The following CADPS2 variants were observed in gnomAD, a reference collection of about 807,000 sequenced individuals.
CADPS2 encodes calcium dependent secretion activator 2, also known as calcium-dependent secretion activator 2.
CADPS2 carries 93 observed loss-of-function variants against 172.5 expected under a neutral mutation model. That is an observed-to-expected ratio of 0.54 (90% CI 0.46 to 0.64). The LOEUF is 0.64. CADPS2 is among the 30% of genes least tolerant of loss of function. CADPS2 has a pLI of 0.00. For synonymous variants in CADPS2, 546 were observed against 555.2 expected (o/e 0.98, Z 0.23); for missense variants, 1,420 against 1,565.9 (o/e 0.91, Z 1.57).
intron 8 of CADPS2, among the ~76,000 whole-genome samples, chr7:122,522,695 C>G (rs2060901663): frequency 6.6e-6 from 1 of 151,940 alleles, no homozygotes; most frequent in Non-Finnish European, 1.5e-5. Context: ...ACACATTAAC[C>G]AACCTCTCTT....
intron 1 of CADPS2, among the ~76,000 whole-genome samples, chr7:122,862,272 T>C (rs775126350): frequency 1.3e-5 from 2 of 152,184 alleles, no homozygotes; most frequent in African/African-American, 4.8e-5. Context: ...TGTCCTCAAA[T>C]TCACCGTCTA....
chr7:122,881,716 T>G (rs931608928), intron 1 of CADPS2, among the ~76,000 whole-genome samples: 1 of 152,162 alleles, frequency 6.6e-6, no homozygotes, highest in African/African-American at 2.4e-5. Context: ...CACTGCTAAC[T>G]TGTCTCTGGG....
At chr7:122,381,172 GCTGAC>G (rs1428961358) in intron 24 of CADPS2, among the ~76,000 whole-genome samples, 1 of 152,120 alleles carries the variant, frequency 6.6e-6, no homozygotes, top group African/African-American at 2.4e-5. Flanking sequence ...AAGCTGTGCA[GCTGAC>G]TGTGCGATGG....
chr7:122,847,535 T>C (rs1363301639), intron 1 of CADPS2, among the ~76,000 whole-genome samples: 1 of 152,226 alleles, frequency 6.6e-6, no homozygotes, highest in Non-Finnish European at 1.5e-5. Context: ...ATTGTTCTCA[T>C]ACCATTAGTT....
chr7:122,362,509 A>G (rs1294614685), intron 25 of CADPS2, among the ~76,000 whole-genome samples: 1 of 152,240 alleles, frequency 6.6e-6, no homozygotes, highest in African/African-American at 2.4e-5. Context: ...AAAAAAACAC[A>G]TACACTATAA....
intron 6 of CADPS2, among the ~76,000 whole-genome samples, chr7:122,611,453 A>G (rs4131663): frequency 0.14 from 21,442 of 152,082 alleles, 1,629 homozygotes; most frequent in African/African-American, 0.19. Flanking sequence ...ACTTGGATGA[A>G]TTGAAAAATT....
chr7:122,678,905 T>C (rs2082667626), intron 2 of CADPS2, among the ~76,000 whole-genome samples: 1 of 152,084 alleles, frequency 6.6e-6, no homozygotes, highest in Non-Finnish European at 1.5e-5. Context: ...CATGGACATT[T>C]AACACTTCCC....
At chr7:122,363,882 G>A (rs1015217327) in intron 25 of CADPS2, among the ~76,000 whole-genome samples, 1 of 152,158 alleles carries the variant, frequency 6.6e-6, no homozygotes, top group Non-Finnish European at 1.5e-5. Context: ...TGGTCCTTAA[G>A]CTAATGGGTC....
At chr7:122,601,600 A>C (rs2072790134) in intron 6 of CADPS2, among the ~76,000 whole-genome samples, 1 of 152,080 alleles carries the variant, frequency 6.6e-6, no homozygotes, top group South Asian at 2.1e-4. Flanking sequence ...CCTTAAAAAA[A>C]CATTTCTTTA....
At chr7:122,374,724 G>T (rs1371901796) in intron 25 of CADPS2, among the ~76,000 whole-genome samples, 1 of 152,078 alleles carries the variant, frequency 6.6e-6, no homozygotes, top group Non-Finnish European at 1.5e-5. Context: ...GGCCTGTCGG[G>T]GGCTGTGGGG....
At chr7:122,486,145 T>C (rs115315974) in intron 11 of CADPS2, among the ~76,000 whole-genome samples, 4,636 of 152,176 alleles carry the variant, frequency 0.03, 204 homozygotes, top group African/African-American at 0.11. Context: ...CAACATCCAT[T>C]CTGCAGCCCA....
chr7:122,441,403 G>C, intron 16 of CADPS2, 109 bp downstream of exon 16: 1 of 578,116 alleles, frequency 1.7e-6, no homozygotes, highest in Admixed American at 3.8e-5. Flanking sequence ...ACTTGTGATG[G>C]AATCAGTAGA....
At chr7:122,670,842 C>T (rs993305129) in intron 2 of CADPS2, among the ~76,000 whole-genome samples, 3 of 149,108 alleles carry the variant, frequency 2.0e-5, no homozygotes, top group East Asian at 4.0e-4. Context: ...TATGATCTCG[C>T]TACTGCACAG....
intron 25 of CADPS2, among the ~76,000 whole-genome samples, chr7:122,365,785 G>A (rs17463004): frequency 0.015 from 2,344 of 152,282 alleles, 30 homozygotes; most frequent in Non-Finnish European, 0.024. Flanking sequence ...GAAACTCTTG[G>A]AAGTGACTGG....
At chr7:122,603,377 C>T (rs2073059063) in intron 6 of CADPS2, among the ~76,000 whole-genome samples, 2 of 151,710 alleles carry the variant, frequency 1.3e-5, no homozygotes, top group South Asian at 4.1e-4. Context: ...AAGTGTGAAA[C>T]TCCTCCTGTA....
At chr7:122,554,209 C>T (rs571953206) in intron 8 of CADPS2, among the ~76,000 whole-genome samples, 1 of 152,210 alleles carries the variant, frequency 6.6e-6, no homozygotes, top group South Asian at 2.1e-4. Flanking sequence ...AACCTCAATG[C>T]TAAGCTTGTT....
chr7:122,384,214 A>G (rs1003747649), intron 24 of CADPS2, among the ~76,000 whole-genome samples: 2 of 152,130 alleles, frequency 1.3e-5, no homozygotes, highest in South Asian at 4.1e-4. Context: ...ATCATCATGT[A>G]GCATGTAAGA....
intron 12 of CADPS2, among the ~76,000 whole-genome samples, chr7:122,480,593 AT>A (rs1358885427): frequency 6.6e-6 from 1 of 152,080 alleles, no homozygotes; most frequent in African/African-American, 2.4e-5. Flanking sequence ...TATATTGACC[AT>A]TTGTTTTGCA....
At chr7:122,698,298 A>C in intron 2 of CADPS2, 1 of 1,614,124 alleles carries the variant, frequency 6.2e-7, no homozygotes, top group Non-Finnish European at 8.5e-7. Flanking sequence ...GAATGTGATA[A>C]AAGATGAAAT....
Sources: gnomAD v4.1 joint callset for allele counts (sites outside exome capture counted in the v4.1 genomes callset) on GRCh38, gnomAD v4.1.1 for gene constraint, MANE v1.5 for transcripts, NCBI Gene and HGNC (gene_info 2026-07-23, HGNC 2026-07-21) for gene names.